The following ATP8A1 variants were observed in gnomAD, a reference collection of about 807,000 sequenced individuals.
The protein encoded by ATP8A1 is phospholipid-transporting ATPase IA.
ATP8A1 carries 90 observed loss-of-function variants against 177.7 expected under a neutral mutation model. The observed-to-expected ratio is 0.51, with a 90% CI of 0.43 to 0.60. ATP8A1 has a LOEUF of 0.60. Ranked by LOEUF, ATP8A1 falls within the 20% of genes least tolerant of loss-of-function variation. The probability of loss-of-function intolerance (pLI) is 0.00; values close to 1 mark genes in which losing one functional copy is unlikely to be tolerated. For missense variants in ATP8A1, 1,072 were observed against 1,392.8 expected, an observed-to-expected ratio of 0.77 and a Z score of 3.67; for synonymous variants, 493 against 485.9, an observed-to-expected ratio of 1.01 and a Z score of -0.19.
chr4:42,433,684 A>G (rs1560318300), intron 33 of ATP8A1, among the ~76,000 whole-genome samples: 1 of 152,154 alleles, frequency 6.6e-6, no homozygotes, highest in Non-Finnish European at 1.5e-5. Context: ...AAATATGCAA[A>G]TTAGATACCA....
chr4:42,530,695 G>A (rs1334233793), intron 20 of ATP8A1, among the ~76,000 whole-genome samples: 1 of 152,218 alleles, frequency 6.6e-6, no homozygotes, highest in Non-Finnish European at 1.5e-5. Flanking sequence ...GGCCTTTTGA[G>A]TTACAATTAC....
intron 35 of ATP8A1, among the ~76,000 whole-genome samples, chr4:42,420,974 T>C (rs1713846350): frequency 6.6e-6 from 1 of 152,018 alleles, no homozygotes; most frequent in Admixed American, 6.6e-5. Context: ...TTCACTGTGT[T>C]AGCCAGGATG....
intron 5 of ATP8A1, among the ~76,000 whole-genome samples, chr4:42,601,882 A>G (rs904645581): frequency 8.7e-5 from 13 of 149,868 alleles, no homozygotes; most frequent in Non-Finnish European, 1.5e-4. Flanking sequence ...AGCAAATTTA[A>G]TATTAATTAA....
chr4:42,501,248 A>C (rs994485796), intron 24 of ATP8A1, among the ~76,000 whole-genome samples: 1 of 152,390 alleles, frequency 6.6e-6, no homozygotes, highest in East Asian at 1.9e-4. Flanking sequence ...AACAACTTAC[A>C]AGCTACTGAA....
rs769729360 is a variant in ATP8A1, at chr4:42,464,929, C to T, written c.2472G>A (p.Leu824=). The part of the protein sequence containing the change: ...VGVGISGNEG[L]QAANSSDYSI... ...AGTAGTCAGAGGAATTAGCTGCCTG[C>T]AGGCCTTCATTGCCACTGATACCAA... Residue 824 remains leucine, a synonymous_variant, in exon 26 of 37, where the codon CTG becomes CTA. Coordinates refer to ENST00000381668, the MANE Select transcript of ATP8A1 (RefSeq NM_006095.2). The T allele has an allele frequency of 2.5e-6, 4 of 1,614,204 alleles. No homozygotes were observed. In the South Asian group the frequency reaches 4.4e-5, roughly 18 times the overall value.
intron 19 of ATP8A1, among the ~76,000 whole-genome samples, chr4:42,545,990 G>A (rs546242668): frequency 6.6e-6 from 1 of 152,204 alleles, no homozygotes; most frequent in Admixed American, 6.5e-5. Flanking sequence ...GGGGTGGGAA[G>A]AAATCCCTTT....
At chr4:42,471,667 T>C (rs1195277903) in intron 25 of ATP8A1, 1 of 248,096 alleles carries the variant, frequency 4.0e-6, no homozygotes, top group African/African-American at 2.2e-5. Flanking sequence ...CAAGAAAGCT[T>C]AGTTTATCTA....
chr4:42,484,091 C>T (rs1409296820), intron 25 of ATP8A1, among the ~76,000 whole-genome samples: 1 of 152,200 alleles, frequency 6.6e-6, no homozygotes, highest in Non-Finnish European at 1.5e-5. Context: ...ACCAAATCTG[C>T]CACATTATTC....
At chr4:42,466,039 A>AC in intron 25 of ATP8A1, among the ~76,000 whole-genome samples, 2 of 35,372 alleles carry the variant, frequency 5.7e-5, no homozygotes, top group African/African-American at 1.4e-4. Flanking sequence ...CTCAAAAAAA[A>AC]AAAAAAAAAA....
rs779672900 is a variant in ATP8A1, at chr4:42,552,500, T to C, written c.1519+5A>G. 1 of 1,602,086 alleles carries C rather than the reference T, an allele frequency of 6.2e-7. No homozygotes were observed. Among genetic ancestry groups the C allele is most frequent in the South Asian group, 1.1e-5 (1 of 90,182 alleles). On this transcript the variant is annotated splice_donor_5th_base_variant and intron_variant, in intron 17 of 36. Transcript: ENST00000381668. ...AACAATACTTTACAATTGCTTCATT[T>C]GTACCTGGAGATGCTGCTTGATAAA...
At chr4:42,422,122 C>T (rs543379715) in intron 35 of ATP8A1, among the ~76,000 whole-genome samples, 6 of 152,132 alleles carry the variant, frequency 3.9e-5, no homozygotes, top group Non-Finnish European at 5.9e-5. Context: ...TGGAGTCTCG[C>T]GCTCTGTTGC....
chr4:42,618,938 A>AG (rs1422796408), intron 4 of ATP8A1, among the ~76,000 whole-genome samples: 1 of 152,248 alleles, frequency 6.6e-6, no homozygotes, highest in Non-Finnish European at 1.5e-5. Flanking sequence ...TTAAGCCAAA[A>AG]GGATCTCTAG....
At position 42,528,958 on chromosome 4, in the gene ATP8A1, T is replaced by C. The variant is rs554450878; in HGVS notation, c.1723-4111A>G. Among the ~76,000 whole-genome samples, 10 of 152,230 alleles carry C rather than the reference T, an allele frequency of 6.6e-5. No individual in the cohort carries two copies. In the East Asian group the frequency reaches 1.9e-3, roughly 29 times the overall value. Reference sequence around the variant, plus strand: ...GGCTGTTGAGATATTCCTTCTAAGGTGAAGGATAAGTTGTTGCATTTGGCC... The same window carrying C: ...GGCTGTTGAGATATTCCTTCTAAGGCGAAGGATAAGTTGTTGCATTTGGCC... On this transcript the variant is annotated intron_variant, in intron 20 of 36. Coordinates refer to ENST00000381668, the MANE Select transcript of ATP8A1 (RefSeq NM_006095.2).
intron 20 of ATP8A1, among the ~76,000 whole-genome samples, chr4:42,529,934 A>T (rs1170179240): frequency 7.0e-6 from 1 of 143,516 alleles, no homozygotes; most frequent in Non-Finnish European, 1.5e-5. Flanking sequence ...AAGAAGCATG[A>T]CTGGAAAATT....
rs199522539 is a variant in ATP8A1, at chr4:42,505,547, TAGC to T, written c.2086+1466_2086+1468del. Among the ~76,000 whole-genome samples, 31 of 152,330 alleles carry T rather than the reference TAGC, an allele frequency of 2.0e-4. No homozygotes were observed. The East Asian group carries it at 5.8e-3, about 28-fold the overall frequency. Reference sequence around the variant, plus strand: ...TATATTCTTTCCATTTTCTCTCTAATAGCAGCGATAATTTTTACAATCAAAATT... The same window carrying T: ...TATATTCTTTCCATTTTCTCTCTAATAGCGATAATTTTTACAATCAAAATT... On this transcript the variant is annotated intron_variant, in intron 23 of 36. Transcript: ENST00000381668.
intron 31 of ATP8A1, among the ~76,000 whole-genome samples, chr4:42,445,335 C>T (rs1717091554): frequency 6.6e-6 from 1 of 152,192 alleles, no homozygotes; most frequent in South Asian, 2.1e-4. Context: ...CAAGTTACTT[C>T]ACGTCTCTGT....
chr4:42,651,231 A>G (rs1162019032), intron 1 of ATP8A1, among the ~76,000 whole-genome samples: 1 of 152,188 alleles, frequency 6.6e-6, no homozygotes, highest in Admixed American at 6.5e-5. Flanking sequence ...CAGTCTCGGT[A>G]CGTCTTCATC....
chr4:42,416,625 C>T (rs1223361837), intron 35 of ATP8A1, among the ~76,000 whole-genome samples: 6 of 152,102 alleles, frequency 3.9e-5, no homozygotes, highest in African/African-American at 1.4e-4. Flanking sequence ...AGATCATGGG[C>T]TCTGGAGTAG....
chr4:42,589,365 A>C (rs575212376), intron 7 of ATP8A1, among the ~76,000 whole-genome samples: 1 of 152,356 alleles, frequency 6.6e-6, no homozygotes, highest in Non-Finnish European at 1.5e-5. Context: ...AAATTTACAA[A>C]TTACAAACAC....
Sources: gnomAD v4.1 joint callset for allele counts (sites outside exome capture counted in the v4.1 genomes callset) on GRCh38, gnomAD v4.1.1 for gene constraint, MANE v1.5 for transcripts, NCBI Gene and HGNC (gene_info 2026-07-23, HGNC 2026-07-21) for gene names.